Variants in EPHA3 observed in about 807,000 individuals in gnomAD.
EPHA3 encodes the protein EPH receptor A3.
In EPHA3, 42 loss-of-function variants were observed where a neutral mutation model predicts 107.1. The ratio of observed to expected loss-of-function variants is 0.39; its 90% CI spans 0.31 to 0.51. The LOEUF (loss-of-function observed/expected upper bound fraction) is 0.51, where lower values mean the gene tolerates loss of function less well. Ranked by LOEUF, EPHA3 falls within the 20% of genes least tolerant of loss-of-function variation. The pLI is 0.78. For synonymous variants in EPHA3, 461 were observed against 424.8 expected (o/e 1.09, Z -1.05); for missense variants, 1,183 against 1,211.2 (o/e 0.98, Z 0.35).
At chr3:89,395,737 T>TC in intron 5 of EPHA3, 100 bp from the exon 6 acceptor site, 8 of 1,386,166 alleles carry the variant, frequency 5.8e-6, no homozygotes, top group Non-Finnish European at 7.9e-6. Flanking sequence ...AATGATAGAC[T>TC]CCATTTGCAT....
intron 3 of EPHA3, among the ~76,000 whole-genome samples, chr3:89,288,126 G>A (rs748536456): frequency 6.6e-6 from 1 of 151,908 alleles, no homozygotes; most frequent in Non-Finnish European, 1.5e-5. Context: ...ACAAAAGAAT[G>A]CAATTACAAA....
intron 3 of EPHA3, among the ~76,000 whole-genome samples, chr3:89,278,729 A>G (rs1705870184): frequency 6.6e-6 from 1 of 152,246 alleles, no homozygotes; most frequent in East Asian, 1.9e-4. Flanking sequence ...ATTTGTATAT[A>G]TAAGCTATCA....
At chr3:89,179,432 C>T (rs1419425425) in intron 2 of EPHA3, among the ~76,000 whole-genome samples, 1 of 151,906 alleles carries the variant, frequency 6.6e-6, no homozygotes. Context: ...ATACTTACTC[C>T]ATCATCTAAT....
At chr3:89,190,722 T>C (rs1210804206) in intron 2 of EPHA3, among the ~76,000 whole-genome samples, 1 of 152,210 alleles carries the variant, frequency 6.6e-6, no homozygotes, top group African/African-American at 2.4e-5. Context: ...TTACAAAATA[T>C]GGAAACCTTT....
chr3:89,203,661 C>T (rs930323225), intron 2 of EPHA3, among the ~76,000 whole-genome samples: 1 of 151,958 alleles, frequency 6.6e-6, no homozygotes, highest in African/African-American at 2.4e-5. Context: ...CCTGCAGTCC[C>T]AGCTACTCGG....
At chr3:89,170,119 T>C (rs758722790) in intron 2 of EPHA3, among the ~76,000 whole-genome samples, 24 of 151,918 alleles carry the variant, frequency 1.6e-4, no homozygotes, top group Non-Finnish European at 8.8e-5. Context: ...GGCGTGGTGG[T>C]GGGCGCCTGT....
intron 3 of EPHA3, among the ~76,000 whole-genome samples, chr3:89,237,956 G>A (rs1704811657): frequency 1.3e-5 from 2 of 151,026 alleles, no homozygotes; most frequent in South Asian, 4.2e-4. Flanking sequence ...TCCAGCCTGG[G>A]CTACAGAGTG....
chr3:89,298,797 G>C (rs1706419721), intron 3 of EPHA3, among the ~76,000 whole-genome samples: 1 of 151,996 alleles, frequency 6.6e-6, no homozygotes, highest in Non-Finnish European at 1.5e-5. Flanking sequence ...TATAAAACAG[G>C]TTAAAGTAAT....
intron 3 of EPHA3, among the ~76,000 whole-genome samples, chr3:89,210,800 G>A (rs1429213485): frequency 6.6e-6 from 1 of 151,984 alleles, no homozygotes; most frequent in African/African-American, 2.4e-5. Flanking sequence ...AATAACTAAG[G>A]TAATCTAATT....
intron 12 of EPHA3, among the ~76,000 whole-genome samples, chr3:89,429,637 T>G (rs1038442020): frequency 6.6e-6 from 1 of 152,172 alleles, no homozygotes; most frequent in Non-Finnish European, 1.5e-5. Flanking sequence ...ATATATCATT[T>G]TGCTGTTAGA....
intron 2 of EPHA3, among the ~76,000 whole-genome samples, chr3:89,201,030 G>A (rs1360121267): frequency 6.6e-6 from 1 of 152,176 alleles, no homozygotes. Context: ...CACTACCTAA[G>A]ACTGGGTGAT....
chr3:89,152,987 A>G (rs1276609344), intron 2 of EPHA3, among the ~76,000 whole-genome samples: 3 of 152,132 alleles, frequency 2.0e-5, no homozygotes, highest in Admixed American at 1.3e-4. Flanking sequence ...GTGTGTATTT[A>G]TAAGCTATTA....
At chr3:89,453,353 G>T (rs946237690) in intron 15 of EPHA3, among the ~76,000 whole-genome samples, 1 of 152,038 alleles carries the variant, frequency 6.6e-6, no homozygotes, top group African/African-American at 2.4e-5. Flanking sequence ...AATATGTGAG[G>T]CTATGTCCTA....
At chr3:89,150,433 A>G (rs1023904168) in intron 2 of EPHA3, among the ~76,000 whole-genome samples, 10 of 152,068 alleles carry the variant, frequency 6.6e-5, no homozygotes, top group African/African-American at 2.2e-4. Flanking sequence ...TTGGAAAAAA[A>G]GATAAATTTA....
chr3:89,134,978 C>T (rs530004973), intron 2 of EPHA3, among the ~76,000 whole-genome samples: 19 of 152,256 alleles, frequency 1.2e-4, no homozygotes, highest in Admixed American at 6.5e-4. Context: ...ATATTTCACA[C>T]TTAATTCAGA....
intron 13 of EPHA3, among the ~76,000 whole-genome samples, chr3:89,438,251 G>C (rs1381634865): frequency 1.3e-5 from 2 of 151,910 alleles, no homozygotes; most frequent in Non-Finnish European, 1.5e-5. Context: ...TGGGACCACA[G>C]GGGCCCATCA....
At chr3:89,386,143 G>A (rs531583480) in intron 5 of EPHA3, among the ~76,000 whole-genome samples, 5 of 152,164 alleles carry the variant, frequency 3.3e-5, no homozygotes, top group East Asian at 1.9e-4. Context: ...TAATGGAGTA[G>A]AAAAGAAAAA....
chr3:89,428,355 T>G (rs924660457), intron 11 of EPHA3, among the ~76,000 whole-genome samples: 13 of 152,042 alleles, frequency 8.6e-5, no homozygotes, highest in African/African-American at 2.4e-4. Flanking sequence ...ATATATAAAT[T>G]AATTACACCA....
chr3:89,182,555 A>C (rs1441470997), intron 2 of EPHA3, among the ~76,000 whole-genome samples: 1 of 151,918 alleles, frequency 6.6e-6, no homozygotes, highest in Non-Finnish European at 1.5e-5. Flanking sequence ...ACATTATGTC[A>C]TGAAAAGGAA....
Sources: gnomAD v4.1 joint callset for allele counts (sites outside exome capture counted in the v4.1 genomes callset) on GRCh38, gnomAD v4.1.1 for gene constraint, MANE v1.5 for transcripts, NCBI Gene and HGNC (gene_info 2026-07-23, HGNC 2026-07-21) for gene names.